AGAP1: variants seen among roughly 807,000 people sequenced by gnomAD.
The protein encoded by AGAP1 is arf-GAP with GTPase, ANK repeat and PH domain-containing protein 1.
In AGAP1, 29 loss-of-function variants were observed where a neutral mutation model predicts 105.3. The observed-to-expected ratio is 0.28, with a 90% CI of 0.21 to 0.38. The LOEUF (loss-of-function observed/expected upper bound fraction) is 0.38, where lower values mean the gene tolerates loss of function less well. Ranked by LOEUF, AGAP1 falls within the 10% of genes least tolerant of loss-of-function variation. The pLI is 1.00. For synonymous variants in AGAP1, 509 were observed against 485.9 expected, an observed-to-expected ratio of 1.05 and a Z score of -0.63; for missense variants, 998 against 1,165.1, an observed-to-expected ratio of 0.86 and a Z score of 2.09.
rs951622157 is a variant in AGAP1 at position 235,965,746 on chromosome 2, T to G, written c.1484-2716T>G. Among the ~76,000 whole-genome samples, 3 of 152,158 alleles carry G rather than the reference T, an allele frequency of 2.0e-5. No homozygotes were observed. The highest frequency in any genetic ancestry group is 7.2e-5 in the African/African-American group (3 of 41,440). ...GAGTGTTTGCTGTTGAGACTGTGGC[T>G]TCAAGGGTTAAGGAAATAACCCTTT... On this transcript the variant is annotated intron_variant, in intron 12 of 17. Coordinates refer to ENST00000304032, the MANE Select transcript of AGAP1 (RefSeq NM_001037131.3). This position sits in a 1 kb window ranked among gnomAD's most constrained non-coding sequence, Gnocchi z 5.8.
intron 2 of AGAP1, among the ~76,000 whole-genome samples, chr2:235,713,205 T>G (rs1360180731): frequency 6.6e-6 from 1 of 152,218 alleles, no homozygotes; most frequent in Non-Finnish European, 1.5e-5. Context: ...AATTAAAAAT[T>G]TAATTCTGTG....
intron 1 of AGAP1, among the ~76,000 whole-genome samples, chr2:235,538,737 C>T (rs1559233421): frequency 6.6e-6 from 1 of 152,104 alleles, no homozygotes; most frequent in African/African-American, 2.4e-5. Flanking sequence ...TTTCCTTGAA[C>T]TTTCCTTTTT....
chr2:235,800,161 C>T (rs1035309777), intron 8 of AGAP1, among the ~76,000 whole-genome samples: 2 of 150,006 alleles, frequency 1.3e-5, no homozygotes, highest in African/African-American at 4.9e-5. Flanking sequence ...GGCTGGAGTG[C>T]AGTGGCTCAG....
chr2:235,765,614 G>T (rs1200730881), intron 6 of AGAP1, among the ~76,000 whole-genome samples: 1 of 152,070 alleles, frequency 6.6e-6, no homozygotes, highest in Non-Finnish European at 1.5e-5. Flanking sequence ...TCGCTTCCCC[G>T]CTAAATGTTC....
In AGAP1 at chr2:235,893,810, A is replaced by G. The variant is rs894905971; in HGVS notation, c.1155+10361A>G. Among the ~76,000 whole-genome samples the G allele has an allele frequency of 2.5e-4, 38 of 152,108 alleles. No individual in the cohort carries two copies. The highest frequency in any genetic ancestry group is 8.7e-4 in the African/African-American group (36 of 41,408). On this transcript the variant is annotated intron_variant, in intron 10 of 17. Transcript: ENST00000304032. This position sits in a 1 kb window ranked among gnomAD's most constrained non-coding sequence, Gnocchi z 4.7. Reference sequence around the variant, plus strand: ...GAGTGCCACCACAATGAAGTTTCCAATCGTGTGACTCCTTCAGCATCTTTG... The same window carrying G: ...GAGTGCCACCACAATGAAGTTTCCAGTCGTGTGACTCCTTCAGCATCTTTG...
At chr2:235,804,720 C>T (rs982818349) in intron 8 of AGAP1, among the ~76,000 whole-genome samples, 3 of 152,172 alleles carry the variant, frequency 2.0e-5, no homozygotes, top group Non-Finnish European at 4.4e-5. Context: ...TCCTCTGCAT[C>T]GAGTGTTTGT....
rs1165517828 is a variant in AGAP1, at chr2:235,865,826, A to G, written c.1051-17519A>G. On this transcript the variant is annotated intron_variant, in intron 9 of 17. Transcript: ENST00000304032. The surrounding 1 kb of genome is among the most constrained non-coding windows in gnomAD (Gnocchi z 6.2). ...CATTTTCTAGTCATCTCCTTTTACC[A>G]AAATTTACCTCCCAGCATCGTGGAT... 6.6e-6 allele frequency among the ~76,000 whole-genome samples: 1 copy of G among 152,194 alleles called. No homozygotes were observed. The highest frequency in any genetic ancestry group is 2.4e-5 in the African/African-American group (1 of 41,448).
rs186517259 is a variant in AGAP1 at position 235,814,415 on chromosome 2, G to A, written c.1050+7084G>A. Among the ~76,000 whole-genome samples, 170 of 152,322 alleles carry A rather than the reference G, an allele frequency of 1.1e-3. 1 individual carries two copies. The highest frequency in any genetic ancestry group is 3.8e-3 in the African/African-American group (158 of 41,564). ...TAGAGGAAAGATTCTCAAAGTTAAT[G>A]TTGCCAGAACTTGTTTTTGTCTTGA... On this transcript the variant is annotated intron_variant, in intron 9 of 17. Coordinates refer to ENST00000304032, the MANE Select transcript of AGAP1 (RefSeq NM_001037131.3).
chr2:235,919,525 C>CTGGATTCAG lies in AGAP1; in HGVS notation c.1324+10621_1324+10629dup, dbSNP rs2052066065. Among the ~76,000 whole-genome samples the CTGGATTCAG allele has an allele frequency of 6.6e-6, 1 of 152,072 alleles. No homozygotes were observed. The highest frequency in any genetic ancestry group is 1.5e-5 in the Non-Finnish European group (1 of 68,020). ...GTGCTTTGTCTTCCCTGTGTCATTG[C>CTGGATTCAG]TGGATTCAGTTGTGAGATCATTTTG... is the stretch of plus-strand genomic sequence containing the variant. On this transcript the variant is annotated intron_variant, in intron 11 of 17. Transcript: ENST00000304032. This position sits in a 1 kb window ranked among gnomAD's most constrained non-coding sequence, Gnocchi z 4.1.
intron 1 of AGAP1, among the ~76,000 whole-genome samples, chr2:235,541,444 G>C (rs1351790812): frequency 7.4e-6 from 1 of 134,966 alleles, no homozygotes; most frequent in African/African-American, 2.7e-5. Context: ...CTGGAGTGCA[G>C]TGGCGCGATC....
intron 1 of AGAP1, among the ~76,000 whole-genome samples, chr2:235,697,371 T>G (rs1414371059): frequency 6.6e-6 from 1 of 152,216 alleles, no homozygotes. Flanking sequence ...GTTGTTCGTC[T>G]TCATGTGAGG....
intron 9 of AGAP1, among the ~76,000 whole-genome samples, chr2:235,856,075 G>A (rs1412618596): frequency 3.9e-5 from 6 of 151,972 alleles, no homozygotes; most frequent in African/African-American, 1.5e-4. Flanking sequence ...CACCACACCT[G>A]GCTAATTTTT....
At chr2:235,786,065 G>A (rs866602647) in intron 6 of AGAP1, among the ~76,000 whole-genome samples, 2 of 152,192 alleles carry the variant, frequency 1.3e-5, no homozygotes, top group African/African-American at 4.8e-5. Flanking sequence ...CTTTCTCTGC[G>A]AGACAGCTTG....
In AGAP1 at chr2:235,633,735, A is replaced by G. The variant is rs566405239; in HGVS notation, c.164-75444A>G. 2.6e-5 allele frequency among the ~76,000 whole-genome samples: 4 copies of G among 152,298 alleles called. No homozygotes were observed. The highest frequency in any genetic ancestry group is 9.6e-5 in the African/African-American group (4 of 41,578). On this transcript the variant is annotated intron_variant, in intron 1 of 17. Transcript: ENST00000304032. The surrounding 1 kb of genome is among the most constrained non-coding windows in gnomAD (Gnocchi z 4.8). The stretch of plus-strand genomic sequence containing the variant: ...GGACCCCTCTGGAATGAGGGTCTTA[A>G]TTACCTTATGACAGCTTTACCTAAA...
rs1239960392 is a variant in AGAP1 at position 235,740,304 on chromosome 2, G to T, written c.311-659G>T. Among the ~76,000 whole-genome samples the T allele has an allele frequency of 3.3e-5, 5 of 152,080 alleles. No individual in the cohort carries two copies. Among genetic ancestry groups the T allele is most frequent in the East Asian group, 1.9e-4 (1 of 5,164 alleles). On this transcript the variant is annotated intron_variant, in intron 3 of 17. Transcript: ENST00000304032. The surrounding 1 kb of genome is among the most constrained non-coding windows in gnomAD (Gnocchi z 5.7). ...CCTCCTCATGGTCACCTCTGTTCCT[G>T]CAGGGTCCCGGTGGTCTCCCGCTAA...
intron 1 of AGAP1, among the ~76,000 whole-genome samples, chr2:235,505,361 C>T (rs1432101730): frequency 1.3e-5 from 2 of 152,200 alleles, no homozygotes; most frequent in Admixed American, 6.5e-5. Context: ...AGGAAGGACA[C>T]GCGGGGCCAT....
At position 236,055,966 on chromosome 2, in the gene AGAP1, G is replaced by T. The variant is rs1392989218; in HGVS notation, c.2114+6685G>T. Among the ~76,000 whole-genome samples, 1 of 152,140 alleles carries T rather than the reference G, an allele frequency of 6.6e-6. No homozygotes were observed. The highest frequency in any genetic ancestry group is 1.5e-5 in the Non-Finnish European group (1 of 68,032). Reference sequence around the variant, plus strand: ...CTGCTATAAATATTAAGCCAATTAGGAAAATGTACAAATGAGAAGTACGTT... The same window carrying T: ...CTGCTATAAATATTAAGCCAATTAGTAAAATGTACAAATGAGAAGTACGTT... On this transcript the variant is annotated intron_variant, in intron 16 of 17. Coordinates refer to ENST00000304032, the MANE Select transcript of AGAP1 (RefSeq NM_001037131.3). This position sits in a 1 kb window ranked among gnomAD's most constrained non-coding sequence, Gnocchi z 6.2.
intron 1 of AGAP1, among the ~76,000 whole-genome samples, chr2:235,681,625 C>T (rs1158237080): frequency 6.6e-6 from 1 of 152,192 alleles, no homozygotes; most frequent in Admixed American, 6.5e-5. Context: ...ATGTGGAATA[C>T]AGTATGCACC....
chr2:236,103,486 TTGTC>T (rs1052277504), intron 16 of AGAP1, among the ~76,000 whole-genome samples: 6 of 151,718 alleles, frequency 4.0e-5, no homozygotes, highest in Admixed American at 1.3e-4. Context: ...CCTTGTTTGT[TTGTC>T]TTTCTTTTTT....
Sources: allele counts gnomAD v4.1 joint callset (sites outside exome capture counted in the v4.1 genomes callset), GRCh38; gene constraint gnomAD v4.1.1; non-coding constraint Gnocchi (gnomAD v3.1); transcripts MANE v1.5; gene names NCBI Gene and HGNC (gene_info 2026-07-23, HGNC 2026-07-21).